SLC39A11: variants seen among roughly 807,000 people sequenced by gnomAD.
SLC39A11 encodes the protein zinc transporter ZIP11.
In SLC39A11, 33 loss-of-function variants were observed where a neutral mutation model predicts 36.1. The observed-to-expected ratio is 0.91, with a 90% CI of 0.69 to 1.22. SLC39A11 has a LOEUF of 1.22. Ranked by LOEUF, SLC39A11 falls within the 50% of genes most tolerant of loss-of-function variation. The probability of loss-of-function intolerance (pLI) is 0.00; values close to 1 mark genes in which losing one functional copy is unlikely to be tolerated. For synonymous variants in SLC39A11, 166 were observed against 170.3 expected, an observed-to-expected ratio of 0.97 and a Z score of 0.20; for missense variants, 432 against 430.3, an observed-to-expected ratio of 1.00 and a Z score of -0.03.
At chr17:72,981,750 C>A (rs1327471802) in intron 4 of SLC39A11, among the ~76,000 whole-genome samples, 1 of 152,146 alleles carries the variant, frequency 6.6e-6, no homozygotes, top group Non-Finnish European at 1.5e-5. Flanking sequence ...GCACCATAAA[C>A]AGACTCACAA....
At chr17:72,767,772 T>G (rs1195906530) in intron 6 of SLC39A11, among the ~76,000 whole-genome samples, 1 of 152,194 alleles carries the variant, frequency 6.6e-6, no homozygotes, top group African/African-American at 2.4e-5. Context: ...GAAACGACAT[T>G]GCCCTCAAGG....
chr17:72,684,775 G>C (rs2071668098), intron 7 of SLC39A11, among the ~76,000 whole-genome samples: 1 of 152,228 alleles, frequency 6.6e-6, no homozygotes, highest in Admixed American at 6.5e-5. Context: ...GGGGAGTGGA[G>C]GGGTGAGCTT....
At chr17:72,681,505 G>C (rs550478175) in intron 7 of SLC39A11, among the ~76,000 whole-genome samples, 2 of 152,140 alleles carry the variant, frequency 1.3e-5, no homozygotes, top group East Asian at 3.8e-4. Context: ...GAGAAGTCAC[G>C]AATTGCATTC....
chr17:72,762,311 G>A (rs758371467), intron 6 of SLC39A11, among the ~76,000 whole-genome samples: 3 of 152,196 alleles, frequency 2.0e-5, no homozygotes, highest in Non-Finnish European at 4.4e-5. Flanking sequence ...AGTGACCTTT[G>A]GTCGTCCTCA....
intron 7 of SLC39A11, among the ~76,000 whole-genome samples, chr17:72,678,736 G>A (rs4793303): frequency 0.48 from 72,682 of 151,260 alleles, 17,636 homozygotes; most frequent in Admixed American, 0.53. Flanking sequence ...TCTTGGGGTA[G>A]CAATCATGAA....
intron 4 of SLC39A11, among the ~76,000 whole-genome samples, chr17:73,026,050 G>A (rs142820957): frequency 0.024 from 3,601 of 151,418 alleles, 58 homozygotes; most frequent in South Asian, 0.037. Context: ...CCCGGGAGGC[G>A]GAGGTCGCAA....
chr17:72,812,055 A>G (rs888015526), intron 6 of SLC39A11, among the ~76,000 whole-genome samples: 2 of 152,252 alleles, frequency 1.3e-5, no homozygotes, highest in African/African-American at 4.8e-5. Context: ...CAATGAACTT[A>G]GTGAATCACT....
chr17:72,991,878 G>T (rs1247025320), intron 4 of SLC39A11, among the ~76,000 whole-genome samples: 1 of 152,136 alleles, frequency 6.6e-6, no homozygotes, highest in Non-Finnish European at 1.5e-5. Flanking sequence ...TTTGTCATGG[G>T]ATATGTTATA....
intron 3 of SLC39A11, among the ~76,000 whole-genome samples, chr17:73,064,493 T>G (rs2059940041): frequency 6.6e-6 from 1 of 152,186 alleles, no homozygotes; most frequent in African/African-American, 2.4e-5. Flanking sequence ...AAAGGACTTG[T>G]GGCTAATCCT....
chr17:72,923,716 T>C (rs546038745), intron 5 of SLC39A11, among the ~76,000 whole-genome samples: 1 of 152,256 alleles, frequency 6.6e-6, no homozygotes, highest in African/African-American at 2.4e-5. Flanking sequence ...TTTGACGAAG[T>C]ACTACAATAA....
At chr17:72,829,619 G>A (rs1462371812) in intron 6 of SLC39A11, among the ~76,000 whole-genome samples, 1 of 152,126 alleles carries the variant, frequency 6.6e-6, no homozygotes, top group Non-Finnish European at 1.5e-5. Flanking sequence ...ATGCTCAAAG[G>A]GCCAACCAAA....
At chr17:72,869,265 C>G (rs1406808438) in intron 5 of SLC39A11, among the ~76,000 whole-genome samples, 1 of 152,262 alleles carries the variant, frequency 6.6e-6, no homozygotes, top group Admixed American at 6.5e-5. Flanking sequence ...AGGTGTCCAT[C>G]TGGAAGCATC....
Position 73,068,029 on chromosome 17 carries a change from G to A in SLC39A11, c.147+16779C>T, listed in dbSNP as rs1490936061. 6.9e-6 allele frequency: 11 copies of A among 1,588,184 alleles called. No homozygotes were observed. In the South Asian group the frequency reaches 1.1e-4, roughly 16 times the overall value. ...CCACAAGTTTAAGAAACTTTTTGAT[G>A]AAGTCAATGAGTCCTTGGATGGTTC... On this transcript the variant is annotated intron_variant, in intron 3 of 9. Transcript: ENST00000255559.
chr17:73,075,841 A>T (rs2144621197), intron 3 of SLC39A11, among the ~76,000 whole-genome samples: 1 of 152,330 alleles, frequency 6.6e-6, no homozygotes, highest in Non-Finnish European at 1.5e-5. Context: ...TGACAGAGTG[A>T]GACTCTATCT....
chr17:72,934,241 A>T (rs2084607574), intron 5 of SLC39A11, among the ~76,000 whole-genome samples: 1 of 152,260 alleles, frequency 6.6e-6, no homozygotes, highest in African/African-American at 2.4e-5. Context: ...ATAAATTGGC[A>T]GTTCATCAAG....
intron 6 of SLC39A11, chr17:72,838,981 G>A (rs1221142822): frequency 1.3e-5 from 2 of 152,162 alleles, no homozygotes; most frequent in African/African-American, 2.4e-5. Flanking sequence ...ATATTACGTC[G>A]TCTTTTACTA....
At chr17:72,700,496 G>C (rs2072556690) in intron 7 of SLC39A11, among the ~76,000 whole-genome samples, 1 of 152,242 alleles carries the variant, frequency 6.6e-6, no homozygotes, top group South Asian at 2.1e-4. Context: ...GAAAGGCGGG[G>C]CTGGGGACTG....
chr17:72,936,154 C>T (rs764245787), intron 5 of SLC39A11, among the ~76,000 whole-genome samples: 9 of 152,024 alleles, frequency 5.9e-5, no homozygotes, highest in Non-Finnish European at 1.3e-4. Context: ...GCCGAGATCA[C>T]GTCACTGCAT....
intron 3 of SLC39A11, among the ~76,000 whole-genome samples, chr17:73,071,463 C>A (rs1311914234): frequency 6.6e-6 from 1 of 152,192 alleles, no homozygotes; most frequent in East Asian, 1.9e-4. Context: ...GAAGAGCAAG[C>A]CCTGTTTGGG....
Sources: allele counts gnomAD v4.1 joint callset (sites outside exome capture counted in the v4.1 genomes callset), GRCh38; gene constraint gnomAD v4.1.1; transcripts MANE v1.5; gene names NCBI Gene and HGNC (gene_info 2026-07-23, HGNC 2026-07-21).